FNIP1: variants seen among roughly 807,000 people sequenced by gnomAD.
FNIP1 encodes the protein folliculin interacting protein 1.
FNIP1 carries 40 observed loss-of-function variants against 124.5 expected under a neutral mutation model. The observed-to-expected ratio is 0.32, with a 90% CI of 0.25 to 0.42. FNIP1 has a LOEUF of 0.42. Ranked by LOEUF, FNIP1 falls within the 10% of genes least tolerant of loss-of-function variation. FNIP1 has a pLI of 1.00. For missense variants in FNIP1, 1,176 were observed against 1,403.7 expected (o/e 0.84, Z 2.59); for synonymous variants, 472 against 470.6 (o/e 1.00, Z -0.04).
chr5:131,734,220 T>C (rs1267406993), intron 2 of FNIP1, among the ~76,000 whole-genome samples: 2 of 152,184 alleles, frequency 1.3e-5, no homozygotes, highest in Non-Finnish European at 1.5e-5. Flanking sequence ...TCTTCTCTCT[T>C]TTCTTATTAG....
chr5:131,699,400 T>A (rs1296000883), intron 10 of FNIP1, among the ~76,000 whole-genome samples: 2 of 150,872 alleles, frequency 1.3e-5, no homozygotes, highest in Non-Finnish European at 3.0e-5. Flanking sequence ...AACTCCTTTT[T>A]TTTTTTTTTT....
rs939350672 is a variant in FNIP1 at position 131,643,105 on chromosome 5, G to A, written c.*1580C>T. ...ACTGGGACTAGGTAAAAGGTCATGG[G>A]CCAAACAGATTGCAGACACACCAAT... On this transcript the variant is annotated 3_prime_UTR_variant, in exon 18 of 18. Transcript: ENST00000510461. 4 of 152,240 alleles carry A rather than the reference G, an allele frequency of 2.6e-5. No individual in the cohort carries two copies. The highest frequency in any genetic ancestry group is 4.4e-5 in the Non-Finnish European group (3 of 68,008). The allele number at this position is 152,240 out of a possible 1,614,324, so 9.4% of individuals were successfully genotyped here.
intron 3 of FNIP1, 152 bp from the exon 4 acceptor site, chr5:131,719,569 T>C: frequency 1.6e-6 from 1 of 617,972 alleles, no homozygotes; most frequent in Non-Finnish European, 2.6e-6. Context: ...TCGATTTTCT[T>C]CCTTTTAAAA....
Position 131,654,654 on chromosome 5 carries a change from G to A in FNIP1, c.3109-2655C>T, listed in dbSNP as rs551880660. On this transcript the variant is annotated intron_variant, in intron 15 of 17. Coordinates refer to ENST00000510461, the MANE Select transcript of FNIP1 (RefSeq NM_133372.3). ...GGGAAGTAGAGGAGGGCAATCGTGGGATCTGTGTGATAGGGAGTTTCGCAG... is the reference window on the plus strand; with the variant it reads ...GGGAAGTAGAGGAGGGCAATCGTGGAATCTGTGTGATAGGGAGTTTCGCAG... Among the ~76,000 whole-genome samples the A allele has an allele frequency of 7.9e-5, 12 of 152,312 alleles. No individual in the cohort carries two copies. The East Asian group carries it at 2.3e-3, about 29-fold the overall frequency.
At chr5:131,673,497 A>G (rs1767826811) in intron 13 of FNIP1, among the ~76,000 whole-genome samples, 1 of 152,210 alleles carries the variant, frequency 6.6e-6, no homozygotes, top group Non-Finnish European at 1.5e-5. Flanking sequence ...CCTCAAGCAA[A>G]GAGTCAGTTC....
intron 15 of FNIP1, among the ~76,000 whole-genome samples, chr5:131,659,930 C>G (rs1767369232): frequency 6.6e-6 from 1 of 152,196 alleles, no homozygotes; most frequent in Non-Finnish European, 1.5e-5. Flanking sequence ...GTCATGATAC[C>G]TCTCTTGCTC....
chr5:131,756,588 G>C (rs527529825), intron 1 of FNIP1, among the ~76,000 whole-genome samples: 1 of 152,254 alleles, frequency 6.6e-6, no homozygotes, highest in South Asian at 2.1e-4. Context: ...ACAGTATCCC[G>C]GGCAAGGGTG....
intron 11 of FNIP1, among the ~76,000 whole-genome samples, chr5:131,691,885 A>G (rs574803838): frequency 3.3e-5 from 5 of 152,294 alleles, no homozygotes; most frequent in African/African-American, 1.2e-4. Flanking sequence ...AATATCTACA[A>G]GAAACCTACA....
At position 131,789,325 on chromosome 5, in the gene FNIP1, T is replaced by C. The variant is rs570181724; in HGVS notation, c.92+7505A>G. On this transcript the variant is annotated intron_variant, in intron 1 of 17. Transcript: ENST00000510461. ...AAATTAAGTAAAATAAAAATTCTTG[T>C]GGGTATGACAAATTTTTAAAAATCC... 1.4e-4 allele frequency among the ~76,000 whole-genome samples: 22 copies of C among 152,248 alleles called. No homozygotes were observed. The South Asian group carries it at 3.9e-3, about 27-fold the overall frequency.
intron 11 of FNIP1, among the ~76,000 whole-genome samples, chr5:131,689,845 C>T (rs1768415657): frequency 6.6e-6 from 1 of 152,150 alleles, no homozygotes; most frequent in Non-Finnish European, 1.5e-5. Flanking sequence ...GGTCTTAATA[C>T]ACCAGTTAAA....
intron 16 of FNIP1, among the ~76,000 whole-genome samples, chr5:131,651,586 C>A (rs1338003885): frequency 6.6e-6 from 1 of 152,140 alleles, no homozygotes; most frequent in Non-Finnish European, 1.5e-5. Context: ...GCCACTAATA[C>A]CATCAGAGCA....
Position 131,749,841 on chromosome 5 carries a change from C to T in FNIP1, c.93-5151G>A, listed in dbSNP as rs369840810. Among the ~76,000 whole-genome samples the T allele has an allele frequency of 1.1e-3, 173 of 152,068 alleles. 2 individuals carry two copies. Among genetic ancestry groups the T allele is most frequent in the African/African-American group, 3.9e-3 (163 of 41,464 alleles). Reference sequence around the variant, plus strand: ...AGGTTTGTACCCCAAGAGCAATAGGCTATTATCATACAGCCTAGGTGTGTA... The same window carrying T: ...AGGTTTGTACCCCAAGAGCAATAGGTTATTATCATACAGCCTAGGTGTGTA... On this transcript the variant is annotated intron_variant, in intron 1 of 17. Coordinates refer to ENST00000510461, the MANE Select transcript of FNIP1 (RefSeq NM_133372.3).
intron 2 of FNIP1, among the ~76,000 whole-genome samples, chr5:131,731,603 C>G (rs780049192): frequency 6.6e-6 from 1 of 151,560 alleles, no homozygotes; most frequent in African/African-American, 2.4e-5. Flanking sequence ...GACTGCACCA[C>G]TGCACTCCAG....
intron 3 of FNIP1, among the ~76,000 whole-genome samples, chr5:131,724,477 T>C (rs185553187): frequency 2.0e-5 from 3 of 152,348 alleles, no homozygotes; most frequent in Non-Finnish European, 2.9e-5. Context: ...AAGAGCTTTT[T>C]TTTCATGTTT....
At position 131,667,731 on chromosome 5, in the gene FNIP1, G is replaced by T. The variant is rs986044131; in HGVS notation, c.3108+2732C>A. The stretch of plus-strand genomic sequence containing the variant: ...AGCCTCCCAAGCAGCTGGGATTACA[G>T]GCACATGCCACCACACCCAGCTAAT... On this transcript the variant is annotated intron_variant, in intron 15 of 17. Coordinates refer to ENST00000510461, the MANE Select transcript of FNIP1 (RefSeq NM_133372.3). Among the ~76,000 whole-genome samples, 8 of 152,204 alleles carry T rather than the reference G, an allele frequency of 5.3e-5. No homozygotes were observed. In the South Asian group the frequency reaches 1.0e-3, roughly 20 times the overall value.
Position 131,775,970 on chromosome 5 carries a change from T to G in FNIP1, c.92+20860A>C, listed in dbSNP as rs188243259. Among the ~76,000 whole-genome samples, 47 of 152,354 alleles carry G rather than the reference T, an allele frequency of 3.1e-4. No homozygotes were observed. The East Asian group carries it at 8.9e-3, about 29-fold the overall frequency. ...ATCTGTGTTTATAGATATGCCACAT[T>G]TTTAATCTACTATAGCACTTCACAC... On this transcript the variant is annotated intron_variant, in intron 1 of 17. Transcript: ENST00000510461.
chr5:131,713,330 G>A (rs1245095200), intron 6 of FNIP1, among the ~76,000 whole-genome samples: 1 of 152,126 alleles, frequency 6.6e-6, no homozygotes, highest in Non-Finnish European at 1.5e-5. Flanking sequence ...ACAGGCGTGA[G>A]CCACCGCGCC....
chr5:131,730,012 A>G (rs1770025102), intron 3 of FNIP1, among the ~76,000 whole-genome samples: 1 of 151,912 alleles, frequency 6.6e-6, no homozygotes, highest in South Asian at 2.1e-4. Flanking sequence ...AAATGCTGGG[A>G]TTACAGGCAT....
chr5:131,713,844 T>C (rs1168042018), intron 6 of FNIP1, among the ~76,000 whole-genome samples: 1 of 152,224 alleles, frequency 6.6e-6, no homozygotes, highest in African/African-American at 2.4e-5. Context: ...TAATTTACTG[T>C]AGGTAACATT....
Sources: gnomAD v4.1 joint callset for allele counts (sites outside exome capture counted in the v4.1 genomes callset) on GRCh38, gnomAD v4.1.1 for gene constraint, MANE v1.5 for transcripts, NCBI Gene and HGNC (gene_info 2026-07-23, HGNC 2026-07-21) for gene names.